The following CDH22 variants were observed in gnomAD, a reference collection of about 807,000 sequenced individuals.
CDH22 encodes the protein cadherin 22.
In CDH22, 30 loss-of-function variants were observed where a neutral mutation model predicts 58.4. The ratio of observed to expected loss-of-function variants is 0.51; its 90% CI spans 0.38 to 0.70. The LOEUF (loss-of-function observed/expected upper bound fraction) is 0.70, where lower values mean the gene tolerates loss of function less well. Ranked by LOEUF, CDH22 falls within the 30% of genes least tolerant of loss-of-function variation. The pLI, the probability that CDH22 is intolerant of heterozygous loss-of-function variation, is 0.00. For synonymous variants in CDH22, 513 were observed against 558.2 expected, an observed-to-expected ratio of 0.92 and a Z score of 1.14; for missense variants, 1,014 against 1,233.9, an observed-to-expected ratio of 0.82 and a Z score of 2.67.
intron 4 of CDH22, among the ~76,000 whole-genome samples, chr20:46,218,331 T>G (rs557479011): frequency 1.9e-3 from 295 of 152,300 alleles, no homozygotes; most frequent in Non-Finnish European, 3.3e-3. Context: ...GGGCAACCAG[T>G]CCCACTTTTG....
At position 46,199,539 on chromosome 20, in the gene CDH22, G is replaced by T. The variant is rs1451742828; in HGVS notation, c.1307C>A (p.Ser436Ter). Residue 436 changes from serine to a stop codon, truncating the protein, a stop_gained, in exon 8 of 12, where the codon TCA becomes TAA. Transcript: ENST00000537909. LOFTEE classifies it high-confidence loss of function. ...GATATCGAAGATCTGGTCCAAATCTGATTCGCGGTCAATGGCGTACCTGCG... is the reference window on the plus strand; with the variant it reads ...GATATCGAAGATCTGGTCCAAATCTTATTCGCGGTCAATGGCGTACCTGCG... ...RPVRYAIDRE[S>*]DLDQIFDIDA... 1 of 1,613,838 alleles carries T rather than the reference G, an allele frequency of 6.2e-7. No individual in the cohort carries two copies. Among genetic ancestry groups the T allele is most frequent in the Admixed American group, 1.7e-5 (1 of 60,006 alleles).
At chr20:46,219,487 T>C (rs1486499170) in intron 4 of CDH22, among the ~76,000 whole-genome samples, 6 of 152,136 alleles carry the variant, frequency 3.9e-5, no homozygotes, top group Admixed American at 3.9e-4. Flanking sequence ...TAATTCTCTG[T>C]AGTGTGTGTG....
chr20:46,305,832 T>C (rs2086673482), intron 1 of CDH22, among the ~76,000 whole-genome samples: 4 of 152,268 alleles, frequency 2.6e-5, no homozygotes, highest in Admixed American at 2.6e-4. Flanking sequence ...CTGCCTTAGC[T>C]ATGGCCCGGC....
chr20:46,259,675 T>C (rs983720969), intron 1 of CDH22, among the ~76,000 whole-genome samples: 3 of 152,090 alleles, frequency 2.0e-5, no homozygotes, highest in African/African-American at 4.8e-5. Flanking sequence ...GAGGGGGGCA[T>C]TGGAGCTGAT....
intron 10 of CDH22, among the ~76,000 whole-genome samples, chr20:46,185,622 C>T (rs1004890501): frequency 2.0e-5 from 3 of 152,082 alleles, no homozygotes; most frequent in Non-Finnish European, 2.9e-5. Flanking sequence ...AATCTCAGCT[C>T]TTTGGGAGGC....
chr20:46,264,742 C>T (rs1422038622), intron 1 of CDH22, among the ~76,000 whole-genome samples: 1 of 152,108 alleles, frequency 6.6e-6, no homozygotes. Flanking sequence ...CGCTACTTGA[C>T]GTGACTTAAC....
intron 7 of CDH22, 45 bp from the exon 8 acceptor site, chr20:46,199,604 AAT>A: frequency 1.9e-6 from 3 of 1,597,174 alleles, no homozygotes; most frequent in Non-Finnish European, 2.6e-6. Flanking sequence ...CCCAGTGCCA[AAT>A]GGAGCCCATG....
intron 1 of CDH22, among the ~76,000 whole-genome samples, chr20:46,306,954 C>G (rs550856848): frequency 1.3e-5 from 2 of 152,228 alleles, no homozygotes; most frequent in Non-Finnish European, 2.9e-5. Flanking sequence ...GGTATTGGCG[C>G]TGACCAGTGG....
chr20:46,203,999 G>C (rs754153991), intron 7 of CDH22, among the ~76,000 whole-genome samples: 1 of 152,110 alleles, frequency 6.6e-6, no homozygotes, highest in African/African-American at 2.4e-5. Context: ...ATGGTGCTTA[G>C]GGGTGCAGAT....
At chr20:46,236,593 A>T (rs1035587369) in intron 3 of CDH22, among the ~76,000 whole-genome samples, 7 of 143,024 alleles carry the variant, frequency 4.9e-5, no homozygotes, top group Non-Finnish European at 7.5e-5. Flanking sequence ...TATAATATAT[A>T]ATATATTATA....
At chr20:46,272,274 G>A (rs1470492594) in intron 1 of CDH22, among the ~76,000 whole-genome samples, 1 of 152,220 alleles carries the variant, frequency 6.6e-6, no homozygotes, top group African/African-American at 2.4e-5. Context: ...AATTTGGGGA[G>A]GAAGAGTTGG....
chr20:46,252,878 G>A (rs959276678), intron 1 of CDH22, among the ~76,000 whole-genome samples: 3 of 152,240 alleles, frequency 2.0e-5, no homozygotes, highest in Non-Finnish European at 4.4e-5. Flanking sequence ...CTGAGCTCGG[G>A]TGTTTGGAAA....
chr20:46,267,259 T>C (rs2145753964), intron 1 of CDH22, among the ~76,000 whole-genome samples: 1 of 152,302 alleles, frequency 6.6e-6, no homozygotes, highest in South Asian at 2.1e-4. Context: ...CTGGAGCAGG[T>C]GGTCCACAAG....
chr20:46,221,934 A>G (rs1445666678), intron 4 of CDH22, among the ~76,000 whole-genome samples: 1 of 152,194 alleles, frequency 6.6e-6, no homozygotes, highest in Non-Finnish European at 1.5e-5. Flanking sequence ...CCGAGGGCCT[A>G]CTACAGGTGC....
At position 46,174,880 on chromosome 20, in the gene CDH22, T is replaced by TGCCGCCCCCGTC; in HGVS notation, c.2101_2112dup (p.Asp701_Gly704dup). 1.9e-6 allele frequency: 2 copies of TGCCGCCCCCGTC among 1,070,474 alleles called. No homozygotes were observed. Among genetic ancestry groups the TGCCGCCCCCGTC allele is most frequent in the Non-Finnish European group, 2.4e-6 (2 of 845,182 alleles). The allele number at this position is 1,070,474 out of a possible 1,614,324, so 66.3% of individuals were successfully genotyped here. ...CCCCCGCCCGCTCCCCCGCCCGCGC[T>TGCCGCCCCCGTC]GCCGCCCCCGTCGCCGCCCTTGAGC... On this transcript the variant is annotated inframe_insertion, in exon 12 of 12. Transcript: ENST00000537909. The surrounding 1 kb of genome is among the most constrained non-coding windows in gnomAD (Gnocchi z 4.4).
At chr20:46,253,911 T>C (rs1277026043) in intron 1 of CDH22, among the ~76,000 whole-genome samples, 1 of 152,114 alleles carries the variant, frequency 6.6e-6, no homozygotes, top group African/African-American at 2.4e-5. Context: ...TCTGCCAGTG[T>C]TCACGGGCAC....
At chr20:46,262,422 A>C (rs887008165) in intron 1 of CDH22, among the ~76,000 whole-genome samples, 1 of 152,066 alleles carries the variant, frequency 6.6e-6, no homozygotes, top group Non-Finnish European at 1.5e-5. Context: ...GCCCCAGGCT[A>C]TATGTCGAAC....
rs781483095 is a variant in CDH22 at position 46,251,028 on chromosome 20, G to A, written c.255+12C>T. 2.5e-6 allele frequency: 4 copies of A among 1,578,908 alleles called. No homozygotes were observed. Among genetic ancestry groups the A allele is most frequent in the Non-Finnish European group, 3.5e-6 (4 of 1,150,154 alleles). ...TCCTGGGATCTGGAGTTGGAGTGGG[G>A]CCCCACTTTACCTTGCCCACATACA... On this transcript the variant is annotated intron_variant, in intron 2 of 11. Transcript: ENST00000537909. The surrounding 1 kb of genome is among the most constrained non-coding windows in gnomAD (Gnocchi z 6.7).
intron 1 of CDH22, among the ~76,000 whole-genome samples, chr20:46,299,218 G>A (rs1046509816): frequency 6.6e-6 from 1 of 152,050 alleles, no homozygotes; most frequent in African/African-American, 2.4e-5. Context: ...AGCTGACACC[G>A]AAGCCTTTGC....
Sources: gnomAD v4.1 joint callset for allele counts (sites outside exome capture counted in the v4.1 genomes callset) on GRCh38, gnomAD v4.1.1 for gene constraint, Gnocchi (gnomAD v3.1) non-coding constraint, MANE v1.5 for transcripts, NCBI Gene and HGNC (gene_info 2026-07-23, HGNC 2026-07-21) for gene names.